Variants in ZNF605 observed in about 807,000 individuals in gnomAD.
ZNF605 encodes zinc finger protein 605.
In ZNF605, 9 loss-of-function variants were observed where a neutral mutation model predicts 7.9. The observed-to-expected ratio is 1.14, with a 90% CI of 0.68 to 1.98. The LOEUF is 1.98. ZNF605 is among the 30% of genes most tolerant of loss of function. The probability of loss-of-function intolerance (pLI) is 0.00; values close to 1 mark genes in which losing one functional copy is unlikely to be tolerated. For synonymous variants in ZNF605, 255 were observed against 260.1 expected (o/e 0.98, Z 0.19); for missense variants, 673 against 762.4 (o/e 0.88, Z 1.38).
chr12:132,951,964 TACAC>T (rs1952576806), intron 1 of ZNF605, among the ~76,000 whole-genome samples: 1 of 151,368 alleles, frequency 6.6e-6, no homozygotes, highest in East Asian at 1.9e-4. Flanking sequence ...ATACATCACA[TACAC>T]ACACGTTCAC....
At chr12:132,945,103 T>C in intron 3 of ZNF605, 1 of 347,606 alleles carries the variant, frequency 2.9e-6, no homozygotes, top group Non-Finnish European at 5.4e-6. Context: ...TTCTCATGCC[T>C]CAGCCTCCCG....
chr12:132,951,062 C>CTGATGTATGATGT (rs1491058915), intron 1 of ZNF605, among the ~76,000 whole-genome samples: 4 of 150,338 alleles, frequency 2.7e-5, no homozygotes, highest in Non-Finnish European at 5.9e-5. Context: ...ACATCATACA[C>CTGATGTATGATGT]AGACATGTAC....
chr12:132,950,455 G>T (rs1000882103), intron 1 of ZNF605, among the ~76,000 whole-genome samples: 1 of 134,854 alleles, frequency 7.4e-6, no homozygotes, highest in Non-Finnish European at 1.5e-5. Context: ...GTGCACAGAC[G>T]CACATACAGA....
In ZNF605 at chr12:132,920,918, C is replaced by G. The variant is rs573613554; in HGVS notation, c.*4455G>C. On this transcript the variant is annotated 3_prime_UTR_variant, in exon 5 of 5. Coordinates refer to ENST00000360187, the MANE Select transcript of ZNF605 (RefSeq NM_183238.4). ...CTCGGCTCACTGCAACCTCCTCCTC[C>G]CAGGTACAAGTGATTCTCTTGTCTC... 1 of 152,364 alleles carries G rather than the reference C, an allele frequency of 6.6e-6. No individual in the cohort carries two copies. The highest frequency in any genetic ancestry group is 2.1e-4 in the South Asian group (1 of 4,830). 9.4% of individuals were successfully genotyped at this position (152,364 alleles called of 1,614,324 possible).
At chr12:132,940,033 G>T (rs1278488) in intron 3 of ZNF605, among the ~76,000 whole-genome samples, 67,441 of 139,698 alleles carry the variant, frequency 0.48, 14,532 homozygotes, top group Middle Eastern at 0.61. Context: ...CGCGCCACCC[G>T]AAGAGCTGTA....
intron 1 of ZNF605, among the ~76,000 whole-genome samples, chr12:132,951,113 GAC>G (rs1337530307): frequency 4.0e-5 from 6 of 149,500 alleles, no homozygotes; most frequent in African/African-American, 1.5e-4. Context: ...CAGACGTACA[GAC>G]ACACTGATAC....
chr12:132,950,507 G>A (rs1197381360), intron 1 of ZNF605, among the ~76,000 whole-genome samples: 4 of 149,318 alleles, frequency 2.7e-5, no homozygotes, highest in Non-Finnish European at 4.5e-5. Context: ...ACAGACATGC[G>A]CAGACATGCA....
chr12:132,927,322 C>T (rs1952256693), intron 4 of ZNF605, among the ~76,000 whole-genome samples, 160 bp from the exon 5 acceptor site: 1 of 152,060 alleles, frequency 6.6e-6, no homozygotes, highest in Non-Finnish European at 1.5e-5. Flanking sequence ...TGAAAATGAA[C>T]TTTTAAATTA....
intron 4 of ZNF605, chr12:132,932,667 T>C (rs1952319954): frequency 7.8e-7 from 1 of 1,283,292 alleles, no homozygotes; most frequent in African/African-American, 1.5e-5. Context: ...ATCAAAAACC[T>C]GAGATAAAAT....
rs1456544883 is a variant in ZNF605 at position 132,923,891 on chromosome 12, T to C, written c.*1482A>G. ...CTCTAAGTCTTTTTTTCTCTCTGTA[T>C]ATCACTTTGGTAGTTTTTATTCTTA... On this transcript the variant is annotated 3_prime_UTR_variant, in exon 5 of 5. Transcript: ENST00000360187. 1.3e-5 allele frequency: 2 copies of C among 152,206 alleles called. No individual in the cohort carries two copies. Among genetic ancestry groups the C allele is most frequent in the Non-Finnish European group, 2.9e-5 (2 of 68,040 alleles). The allele number at this position is 152,206 out of a possible 1,614,324, so 9.4% of individuals were successfully genotyped here.
intron 3 of ZNF605, chr12:132,945,360 T>G: frequency 7.9e-7 from 1 of 1,270,674 alleles, no homozygotes; most frequent in Non-Finnish European, 1.2e-6. Flanking sequence ...TTTAGACCCT[T>G]CTGTGTGTTG....
In ZNF605 at chr12:132,954,695, C is replaced by G. The variant is rs371071587; in HGVS notation, c.-286+1548G>C. On this transcript the variant is annotated intron_variant, in intron 1 of 4. Coordinates refer to ENST00000360187, the MANE Select transcript of ZNF605 (RefSeq NM_183238.4). Reference sequence around the variant, plus strand: ...CCCCCATGACACCCCATTCTCTAATCCACTCCATGCTGGAGCATTCACTGA... The same window carrying G: ...CCCCCATGACACCCCATTCTCTAATGCACTCCATGCTGGAGCATTCACTGA... Among the ~76,000 whole-genome samples, 479 of 151,840 alleles carry G rather than the reference C, an allele frequency of 3.2e-3. 4 individuals are homozygous for G. The highest frequency in any genetic ancestry group is 0.01 in the Middle Eastern group (3 of 294).
At chr12:132,943,340 C>T (rs1952463817) in intron 3 of ZNF605, among the ~76,000 whole-genome samples, 3 of 147,390 alleles carry the variant, frequency 2.0e-5, no homozygotes, top group African/African-American at 7.5e-5. Context: ...GTCTAGGCGA[C>T]AGAGCGAGAC....
At chr12:132,952,359 G>A (rs1488827210) in intron 1 of ZNF605, among the ~76,000 whole-genome samples, 4 of 150,718 alleles carry the variant, frequency 2.7e-5, no homozygotes, top group South Asian at 2.1e-4. Flanking sequence ...TACTGGGGGC[G>A]TTGAGGCGGA....
intron 3 of ZNF605, among the ~76,000 whole-genome samples, chr12:132,942,978 A>G (rs114064815): frequency 0.031 from 4,723 of 152,080 alleles, 249 homozygotes; most frequent in African/African-American, 0.11. Flanking sequence ...TCAAAGTCTG[A>G]CCTATTGGGG....
intron 1 of ZNF605, among the ~76,000 whole-genome samples, chr12:132,951,898 TCA>T (rs1468465655): frequency 2.0e-5 from 3 of 150,450 alleles, no homozygotes; most frequent in Admixed American, 2.0e-4. Flanking sequence ...CATACACACA[TCA>T]CACACATTCA....
rs1212817422 is a variant in ZNF605 at position 132,939,181 on chromosome 12, G to A, written c.16-6026C>T. Among the ~76,000 whole-genome samples, 1,373 of 152,138 alleles carry A rather than the reference G, an allele frequency of 9.0e-3. 10 individuals are homozygous for A. Among genetic ancestry groups the A allele is most frequent in the Non-Finnish European group, 0.014 (961 of 67,948 alleles). On this transcript the variant is annotated intron_variant, in intron 3 of 4. Coordinates refer to ENST00000360187, the MANE Select transcript of ZNF605 (RefSeq NM_183238.4). ...GGCAGGCAGCTCCACCTGCAGCCCC[G>A]GTGCGGGATCCACTAGGTGAAGCCA... is the stretch of plus-strand genomic sequence containing the variant.
At chr12:132,939,300 G>T (rs996414831) in intron 3 of ZNF605, among the ~76,000 whole-genome samples, 4 of 152,186 alleles carry the variant, frequency 2.6e-5, no homozygotes, top group African/African-American at 9.7e-5. Context: ...TTTAGCTCAA[G>T]GTTTGTGAGT....
intron 3 of ZNF605, among the ~76,000 whole-genome samples, chr12:132,940,551 C>T (rs1593593991): frequency 6.6e-6 from 1 of 152,084 alleles, no homozygotes. Flanking sequence ...CATCTATGTA[C>T]ACCCCTGCTA....
Sources: allele counts gnomAD v4.1 joint callset (sites outside exome capture counted in the v4.1 genomes callset), GRCh38; gene constraint gnomAD v4.1.1; transcripts MANE v1.5; gene names NCBI Gene and HGNC (gene_info 2026-07-23, HGNC 2026-07-21).